The following NRXN1 variants were observed in gnomAD, a reference collection of about 807,000 sequenced individuals.
NRXN1 encodes neurexin 1.
A neutral mutation model predicts 150.9 loss-of-function variants in NRXN1; 39 were observed. That is an observed-to-expected ratio of 0.26 (90% CI 0.20 to 0.34). The LOEUF is 0.34. NRXN1 is among the 10% of genes least tolerant of loss of function. NRXN1 has a pLI of 1.00. For synonymous variants in NRXN1, 924 were observed against 757.0 expected, an observed-to-expected ratio of 1.22 and a Z score of -3.62; for missense variants, 1,815 against 1,949.9, an observed-to-expected ratio of 0.93 and a Z score of 1.30.
intron 5 of NRXN1, among the ~76,000 whole-genome samples, chr2:50,886,350 A>G (rs895177810): frequency 2.2e-4 from 34 of 151,458 alleles, no homozygotes; most frequent in Non-Finnish European, 5.9e-5. Flanking sequence ...GGAATGCAAT[A>G]AAATGATGGT....
At chr2:50,093,467 G>A (rs7586566) in intron 18 of NRXN1, among the ~76,000 whole-genome samples, 74,810 of 113,748 alleles carry the variant, frequency 0.66, 21,085 homozygotes, top group African/African-American at 0.74. Context: ...TAAAAAAAAA[G>A]AAAAAGAAAA....
intron 17 of NRXN1, among the ~76,000 whole-genome samples, chr2:50,279,469 C>A (rs1440528966): frequency 6.6e-6 from 1 of 152,132 alleles, no homozygotes; most frequent in African/African-American, 2.4e-5. Context: ...CATTTGGCCT[C>A]CTTTTTCACC....
chr2:50,327,629 C>T (rs1320281666), intron 17 of NRXN1, among the ~76,000 whole-genome samples: 2 of 151,454 alleles, frequency 1.3e-5, no homozygotes, highest in African/African-American at 4.8e-5. Context: ...CTCCTTCCCT[C>T]CCTTCCTTCC....
chr2:50,189,539 T>C (rs929073405), intron 18 of NRXN1, among the ~76,000 whole-genome samples: 34 of 152,038 alleles, frequency 2.2e-4, no homozygotes, highest in African/African-American at 8.2e-4. Flanking sequence ...TAAAATAAAA[T>C]GAAAATCAAA....
At chr2:50,835,079 C>A (rs563334573) in intron 5 of NRXN1, among the ~76,000 whole-genome samples, 6 of 152,202 alleles carry the variant, frequency 3.9e-5, no homozygotes, top group Middle Eastern at 3.4e-3. Context: ...CTCAGACAGC[C>A]CAGGGTGAGC....
chr2:51,002,254 T>C (rs1700167582), intron 2 of NRXN1, among the ~76,000 whole-genome samples: 1 of 152,042 alleles, frequency 6.6e-6, no homozygotes, highest in East Asian at 2.0e-4. Flanking sequence ...GGGAAAGGTA[T>C]TTTTCCCCTC....
intron 18 of NRXN1, among the ~76,000 whole-genome samples, chr2:50,150,321 A>G (rs572808018): frequency 1.2e-4 from 18 of 151,958 alleles, no homozygotes; most frequent in Non-Finnish European, 2.5e-4. Context: ...AGCACTTGCA[A>G]TGAACACTAA....
chr2:50,541,567 G>A (rs370297813), intron 9 of NRXN1, among the ~76,000 whole-genome samples: 2 of 152,204 alleles, frequency 1.3e-5, no homozygotes, highest in East Asian at 1.9e-4. Context: ...GTTATTTTAA[G>A]AATGTGCTTG....
intron 21 of NRXN1, among the ~76,000 whole-genome samples, chr2:50,032,137 C>T (rs1168343754): frequency 1.3e-5 from 2 of 151,958 alleles, no homozygotes; most frequent in African/African-American, 4.8e-5. Context: ...CTGTTACTAG[C>T]CAGCCATTAT....
At chr2:50,947,269 A>G (rs1353441987) in intron 2 of NRXN1, among the ~76,000 whole-genome samples, 1 of 152,086 alleles carries the variant, frequency 6.6e-6, no homozygotes, top group Non-Finnish European at 1.5e-5. Flanking sequence ...AATCCCTGAC[A>G]TGTACTACGC....
chr2:50,362,624 C>G (rs1458078984), intron 17 of NRXN1, among the ~76,000 whole-genome samples: 1 of 152,192 alleles, frequency 6.6e-6, no homozygotes, highest in Non-Finnish European at 1.5e-5. Context: ...ACATTCCATG[C>G]TCATGGATAG....
At chr2:50,454,664 TCACACACACA>T (rs3052512) in intron 17 of NRXN1, among the ~76,000 whole-genome samples, 158 of 140,812 alleles carry the variant, frequency 1.1e-3, no homozygotes, top group African/African-American at 2.5e-3. Flanking sequence ...TGGGCAAAGA[TCACACACACA>T]CACACACACA....
chr2:50,521,794 A>T (rs2092795516), intron 12 of NRXN1, among the ~76,000 whole-genome samples: 1 of 152,154 alleles, frequency 6.6e-6, no homozygotes, highest in African/African-American at 2.4e-5. Context: ...AGAGTGTATC[A>T]TGTGGCCTCT....
At chr2:50,704,184 C>T (rs902065045) in intron 5 of NRXN1, among the ~76,000 whole-genome samples, 2 of 151,926 alleles carry the variant, frequency 1.3e-5, no homozygotes, top group Non-Finnish European at 2.9e-5. Flanking sequence ...TAGTATGCAT[C>T]CTCTTATATC....
chr2:50,166,279 A>ATGTGTG (rs70946894), intron 18 of NRXN1, among the ~76,000 whole-genome samples: 977 of 131,586 alleles, frequency 7.4e-3, no homozygotes, highest in South Asian at 0.022. Flanking sequence ...TACTCAACGT[A>ATGTGTG]TGTGTGTGTG....
At chr2:49,928,141 A>G (rs1394323158) in intron 22 of NRXN1, among the ~76,000 whole-genome samples, 2 of 151,792 alleles carry the variant, frequency 1.3e-5, no homozygotes, top group Non-Finnish European at 2.9e-5. Context: ...AAAAAAAAAC[A>G]TAGGCTATAT....
intron 2 of NRXN1, among the ~76,000 whole-genome samples, chr2:51,025,081 T>C (rs891401223): frequency 4.7e-4 from 72 of 152,272 alleles, no homozygotes; most frequent in African/African-American, 1.7e-4. Flanking sequence ...CCAATCCTTC[T>C]AGGAAGACTG....
rs138366260 is a variant in NRXN1 at position 50,061,815 on chromosome 2, C to T, written c.3719-6771G>A. Among the ~76,000 whole-genome samples, 937 of 152,236 alleles carry T rather than the reference C, an allele frequency of 6.2e-3. 6 individuals carry two copies. Among genetic ancestry groups the T allele is most frequent in the Middle Eastern group, 0.01 (3 of 294 alleles). Reference sequence around the variant, plus strand: ...TTTTGTGTGGTTTGATCTGTTGGTACCTTCACTGAAAATGTCAGTGACAAC... The same window carrying T: ...TTTTGTGTGGTTTGATCTGTTGGTATCTTCACTGAAAATGTCAGTGACAAC... On this transcript the variant is annotated intron_variant, in intron 19 of 22. Transcript: ENST00000401669.
intron 5 of NRXN1, among the ~76,000 whole-genome samples, chr2:50,891,492 C>T (rs934519644): frequency 6.6e-6 from 1 of 152,046 alleles, no homozygotes; most frequent in African/African-American, 2.4e-5. Context: ...GATATAAGAC[C>T]ATGTGAAAGT....
Sources: gnomAD v4.1 joint callset for allele counts (sites outside exome capture counted in the v4.1 genomes callset) on GRCh38, gnomAD v4.1.1 for gene constraint, MANE v1.5 for transcripts, NCBI Gene and HGNC (gene_info 2026-07-23, HGNC 2026-07-21) for gene names.